The following NKAIN3 variants were observed in gnomAD, a reference collection of about 807,000 sequenced individuals.
NKAIN3 encodes the protein sodium/potassium-transporting ATPase subunit beta-1-interacting protein 3.
A neutral mutation model predicts 30.2 loss-of-function variants in NKAIN3; 25 were observed. The ratio of observed to expected loss-of-function variants is 0.83; its 90% CI spans 0.60 to 1.16. The LOEUF is 1.16. NKAIN3 is among the 50% of genes most tolerant of loss of function. The probability of loss-of-function intolerance (pLI) is 0.00; values close to 1 mark genes in which losing one functional copy is unlikely to be tolerated. For synonymous variants in NKAIN3, 91 were observed against 89.6 expected (o/e 1.02, Z -0.09); for missense variants, 225 against 254.1 (o/e 0.89, Z 0.78).
intron 1 of NKAIN3, among the ~76,000 whole-genome samples, chr8:62,317,992 C>T (rs967439400): frequency 1.3e-5 from 2 of 152,152 alleles, no homozygotes; most frequent in African/African-American, 2.4e-5. Context: ...AGGTCCTTCA[C>T]GTCTCTTGTA....
chr8:62,459,438 G>A (rs1338601572), intron 1 of NKAIN3, among the ~76,000 whole-genome samples: 1 of 152,204 alleles, frequency 6.6e-6, no homozygotes. Context: ...CACATACTCA[G>A]TACATGTCTA....
At chr8:62,583,541 G>A (rs1399426055) in intron 2 of NKAIN3, among the ~76,000 whole-genome samples, 1 of 152,180 alleles carries the variant, frequency 6.6e-6, no homozygotes, top group African/African-American at 2.4e-5. Context: ...TACAGGGCAT[G>A]TATTAGCTTC....
intron 1 of NKAIN3, among the ~76,000 whole-genome samples, chr8:62,459,057 G>A (rs372216246): frequency 0.043 from 1,040 of 23,966 alleles, 13 homozygotes; most frequent in African/African-American, 0.076. Context: ...TGTGTTGTCA[G>A]AGAAAAAAAA....
chr8:62,329,889 A>G (rs896246144), intron 1 of NKAIN3, among the ~76,000 whole-genome samples: 1 of 152,042 alleles, frequency 6.6e-6, no homozygotes, highest in Non-Finnish European at 1.5e-5. Context: ...TAGTAGTACT[A>G]TTTTAAGTGG....
intron 1 of NKAIN3, among the ~76,000 whole-genome samples, chr8:62,522,178 C>T (rs755633313): frequency 1.2e-4 from 18 of 152,028 alleles, no homozygotes; most frequent in Admixed American, 3.3e-4. Flanking sequence ...TTTTGGTCAA[C>T]GGCAGGCCAC....
At chr8:62,598,553 A>G (rs1252516668) in intron 3 of NKAIN3, among the ~76,000 whole-genome samples, 1 of 152,036 alleles carries the variant, frequency 6.6e-6, no homozygotes, top group East Asian at 1.9e-4. Context: ...ATCCTGGTAT[A>G]AGAGGAAGTT....
At chr8:62,783,825 T>A (rs909749648) in intron 4 of NKAIN3, among the ~76,000 whole-genome samples, 1 of 152,030 alleles carries the variant, frequency 6.6e-6, no homozygotes, top group Non-Finnish European at 1.5e-5. Flanking sequence ...GTATTTTGTT[T>A]TTTGTTTGTT....
chr8:62,856,819 C>T (rs889596881), intron 4 of NKAIN3: 2 of 617,596 alleles, frequency 3.2e-6, no homozygotes, highest in Non-Finnish European at 6.0e-6. Context: ...TTTCTCTGCA[C>T]TATAGAGCAT....
chr8:62,325,235 G>A (rs1371492777), intron 1 of NKAIN3, among the ~76,000 whole-genome samples: 3 of 152,018 alleles, frequency 2.0e-5, no homozygotes, highest in Admixed American at 6.6e-5. Flanking sequence ...CACAATATTT[G>A]GTTTACCATT....
Position 62,301,963 on chromosome 8 carries a change from A to C in NKAIN3, c.54+52836A>C, listed in dbSNP as rs556008244. Among the ~76,000 whole-genome samples the C allele has an allele frequency of 1.1e-4, 17 of 152,150 alleles. No individual in the cohort carries two copies. In the South Asian group the frequency reaches 3.5e-3, roughly 32 times the overall value. On this transcript the variant is annotated intron_variant, in intron 1 of 6. Coordinates refer to ENST00000623646, the MANE Select transcript of NKAIN3 (RefSeq NM_001304533.3). Reference sequence around the variant, plus strand: ...ATCTTACCACCTGTACCATTTGGAAATTCTTGGTTTTCAGCAGTGGCCACC... The same window carrying C: ...ATCTTACCACCTGTACCATTTGGAACTTCTTGGTTTTCAGCAGTGGCCACC...
At chr8:62,807,542 G>T (rs1466927031) in intron 4 of NKAIN3, among the ~76,000 whole-genome samples, 1 of 141,058 alleles carries the variant, frequency 7.1e-6, no homozygotes, top group African/African-American at 2.6e-5. Flanking sequence ...TCTTTCAATA[G>T]TTATTCTTTT....
intron 3 of NKAIN3, among the ~76,000 whole-genome samples, chr8:62,692,064 C>T (rs1326922744): frequency 6.6e-6 from 1 of 152,128 alleles, no homozygotes; most frequent in Non-Finnish European, 1.5e-5. Context: ...TTCCAGCAGG[C>T]CATCCTGGGC....
chr8:62,640,089 A>G (rs1036089855), intron 3 of NKAIN3, among the ~76,000 whole-genome samples: 2 of 152,054 alleles, frequency 1.3e-5, no homozygotes, highest in African/African-American at 2.4e-5. Flanking sequence ...AATCATTTAC[A>G]AGTTTCTCAA....
chr8:62,541,635 C>T (rs1808843800), intron 1 of NKAIN3, among the ~76,000 whole-genome samples: 1 of 152,050 alleles, frequency 6.6e-6, no homozygotes, highest in Non-Finnish European at 1.5e-5. Context: ...TTGCACCACT[C>T]ATCTTTTTTC....
chr8:62,965,718 T>A lies in NKAIN3; in HGVS notation c.*311T>A. On this transcript the variant is annotated 3_prime_UTR_variant, in exon 7 of 7. Transcript: ENST00000623646. ...ATGAAAAAGCAAATCTGTGAAAACC[T>A]TCTACAGTCAATTCTAAGAGAAATC... 1 of 984,406 alleles carries A rather than the reference T, an allele frequency of 1.0e-6. No homozygotes were observed. 61.0% of individuals were successfully genotyped at this position (984,406 alleles called of 1,614,324 possible). A position where few individuals can be genotyped will look rare whatever the true frequency, so the allele number is the denominator to read the frequency against.
At chr8:62,354,771 A>G (rs879920775) in intron 1 of NKAIN3, among the ~76,000 whole-genome samples, 1 of 152,168 alleles carries the variant, frequency 6.6e-6, no homozygotes, top group Non-Finnish European at 1.5e-5. Flanking sequence ...GAATGACAAT[A>G]ACCAATGTAT....
intron 4 of NKAIN3, among the ~76,000 whole-genome samples, chr8:62,820,897 C>G (rs2130730468): frequency 6.6e-6 from 1 of 152,100 alleles, no homozygotes; most frequent in African/African-American, 2.4e-5. Flanking sequence ...GTCTACAAAG[C>G]CTTTATTTTT....
intron 3 of NKAIN3, among the ~76,000 whole-genome samples, chr8:62,608,629 T>G (rs1415755491): frequency 2.0e-5 from 3 of 152,194 alleles, no homozygotes; most frequent in African/African-American, 4.8e-5. Context: ...CATTCAACTT[T>G]TCCAAGATAC....
chr8:62,374,113 C>CAA (rs66521184), intron 1 of NKAIN3, among the ~76,000 whole-genome samples: 3,313 of 62,644 alleles, frequency 0.053, 225 homozygotes, highest in African/African-American at 0.12. Context: ...ACTCCATCTC[C>CAA]AAAAAAAAAA....
Sources: gnomAD v4.1 joint callset for allele counts (sites outside exome capture counted in the v4.1 genomes callset) on GRCh38, gnomAD v4.1.1 for gene constraint, MANE v1.5 for transcripts, NCBI Gene and HGNC (gene_info 2026-07-23, HGNC 2026-07-21) for gene names.